GHRHR: variants seen among roughly 807,000 people sequenced by gnomAD.
The protein encoded by GHRHR is growth hormone releasing hormone receptor.
GHRHR carries 40 observed loss-of-function variants against 58.3 expected under a neutral mutation model. The observed-to-expected ratio is 0.69, with a 90% CI of 0.53 to 0.89. GHRHR has a LOEUF of 0.89. GHRHR is among the 40% of genes least tolerant of loss of function. The pLI is 0.00. For synonymous variants in GHRHR, 249 were observed against 216.6 expected (o/e 1.15, Z -1.31); for missense variants, 551 against 541.3 (o/e 1.02, Z -0.18).
At chr7:30,975,742 C>G (rs772331184) in intron 9 of GHRHR, 35 bp from the exon 10 acceptor site, 6 of 1,298,864 alleles carry the variant, frequency 4.6e-6, no homozygotes, top group Admixed American at 1.7e-5. Flanking sequence ...ACCCCCTGAC[C>G]CTTGTCTTCC....
rs752793580 is a variant in GHRHR, at chr7:30,969,072, C to A, written c.170C>A (p.Ala57Glu). The change falls in exon 3 of 13, where the codon GCG (alanine) becomes GAG (glutamate). Residue 57 changes from alanine to glutamate, a missense_variant. By Grantham distance (107) the Ala-to-Glu change is moderately radical. Transcript: ENST00000326139. ...EMPNTTLGCP[A>E]TWDGLLCWPT... Reference sequence around the variant, plus strand: ...CTGGCTCTCTATCCAGGCTGCCCTGCGACCTGGGATGGGCTGCTGTGCTGG... The same window carrying A: ...CTGGCTCTCTATCCAGGCTGCCCTGAGACCTGGGATGGGCTGCTGTGCTGG... 3 of 1,579,108 alleles carry A rather than the reference C, an allele frequency of 1.9e-6. No individual in the cohort carries two copies. Among genetic ancestry groups the A allele is most frequent in the Admixed American group, 1.8e-5 (1 of 54,118 alleles).
At chr7:30,967,602 T>TATCCATCCATCCTTCCAA (rs3831723) in intron 1 of GHRHR, among the ~76,000 whole-genome samples, 1 of 151,646 alleles carries the variant, frequency 6.6e-6, no homozygotes, top group African/African-American at 2.4e-5. Flanking sequence ...GTCATCTGTC[T>TATCCATCCATCCTTCCAA]ATCCATCCAT....
chr7:30,977,878 G>A (rs567326639), intron 12 of GHRHR, among the ~76,000 whole-genome samples: 2 of 152,336 alleles, frequency 1.3e-5, no homozygotes, highest in East Asian at 1.9e-4. Flanking sequence ...AGACAGAACA[G>A]ATGGTGCTGC....
intron 6 of GHRHR, among the ~76,000 whole-genome samples, chr7:30,972,729 T>A (rs539635511): frequency 2.0e-5 from 3 of 151,960 alleles, no homozygotes; most frequent in African/African-American, 7.3e-5. Flanking sequence ...AAGAGGCAAT[T>A]GAAATTAAAG....
rs1284465263 is a variant in GHRHR, at chr7:30,973,966, C to T, written c.598-19C>T. The T allele has an allele frequency of 1.2e-6, 2 of 1,612,610 alleles. No homozygotes were observed. The highest frequency in any genetic ancestry group is 2.2e-5 in the South Asian group (2 of 91,052). The stretch of plus-strand genomic sequence containing the variant: ...CAGTGGGTGTCCCAGCTCTGAAGCA[C>T]CCAGGTCCTGGCCCCCAGGTTCTAT... On this transcript the variant is annotated intron_variant, in intron 6 of 12. Transcript: ENST00000326139.
intron 10 of GHRHR, 139 bp downstream of exon 10, chr7:30,976,007 G>A: frequency 1.4e-6 from 1 of 690,892 alleles, no homozygotes; most frequent in Non-Finnish European, 2.7e-6. Flanking sequence ...GAATAGACCT[G>A]GCCCCTTCCT....
chr7:30,974,611 T>A lies in GHRHR; in HGVS notation c.812+122T>A, dbSNP rs989704143. On this transcript the variant is annotated intron_variant, in intron 8 of 12. Coordinates refer to ENST00000326139, the MANE Select transcript of GHRHR (RefSeq NM_000823.4). ...AGGAGAAGGGACTGCCCGGCTAGGA[T>A]GGGGGGTGGGAGAACAGTCTGTGAG... 3.1e-4 allele frequency: 242 copies of A among 770,596 alleles called. 2 individuals carry two copies. Among genetic ancestry groups the A allele is most frequent in the Admixed American group, 7.4e-5 (4 of 54,294 alleles). The allele number at this position is 770,596 out of a possible 1,614,324, so 47.7% of individuals were successfully genotyped here.
rs1176895902 is a variant in GHRHR at position 30,979,127 on chromosome 7, T to C, written c.1155T>C (p.Thr385=). The change falls in exon 13 of 13, where the codon ACT becomes ACC. Residue 385 remains threonine (T), a synonymous_variant. Transcript: ENST00000326139. ...LYCFLNQEVR[T]EISRKWHGHD... is the part of the protein sequence containing the mutation. ...CTTCCTTGTCCCTGGAGGTGAGGAC[T>C]GAGATCTCACGGAAGTGGCATGGCC... is the stretch of plus-strand genomic sequence containing the variant. The C allele has an allele frequency of 3.7e-6, 6 of 1,613,592 alleles. No homozygotes were observed. The African/African-American group carries it at 5.3e-5, about 14-fold the overall frequency.
chr7:30,967,836 G>A (rs1220933747), intron 1 of GHRHR, among the ~76,000 whole-genome samples: 1 of 152,108 alleles, frequency 6.6e-6, no homozygotes, highest in Admixed American at 6.5e-5. Flanking sequence ...GTTCCTGCCT[G>A]TGTGCACCCC....
At chr7:30,974,314 C>T (rs1162881551) in intron 7 of GHRHR, 115 bp from the exon 8 acceptor site, 8 of 1,100,364 alleles carry the variant, frequency 7.3e-6, no homozygotes, top group African/African-American at 1.5e-5. Flanking sequence ...GGGGTCCTGC[C>T]TGGCCCTGCC....
chr7:30,979,524 A>C lies in GHRHR; in HGVS notation c.*280A>C. The C allele has an allele frequency of 2.4e-6, 1 of 415,936 alleles. No individual in the cohort carries two copies. Among genetic ancestry groups the C allele is most frequent in the Non-Finnish European group, 4.6e-6 (1 of 219,286 alleles). 25.8% of individuals were successfully genotyped at this position (415,936 alleles called of 1,614,324 possible). A position where few individuals can be genotyped will look rare whatever the true frequency, so the allele number is the denominator to read the frequency against. On this transcript the variant is annotated 3_prime_UTR_variant, in exon 13 of 13. Coordinates refer to ENST00000326139, the MANE Select transcript of GHRHR (RefSeq NM_000823.4). ...CTCAGAGGAGCCAATAAACCTGTAAATGAATAGACGCATGTTTGAGTGAGT... is the reference window on the plus strand; with the variant it reads ...CTCAGAGGAGCCAATAAACCTGTAACTGAATAGACGCATGTTTGAGTGAGT...
chr7:30,967,814 A>G (rs1430079647), intron 1 of GHRHR, among the ~76,000 whole-genome samples: 1 of 151,874 alleles, frequency 6.6e-6, no homozygotes, highest in Non-Finnish European at 1.5e-5. Flanking sequence ...TAAGCTACCC[A>G]TTTGCTCATG....
intron 4 of GHRHR, 151 bp from the exon 5 acceptor site, chr7:30,970,968 G>A (rs1208528614): frequency 4.3e-6 from 3 of 693,714 alleles, no homozygotes; most frequent in Non-Finnish European, 7.9e-6. Flanking sequence ...AGTGCACAGG[G>A]GGAGCTTTCC....
intron 1 of GHRHR, 76 bp downstream of exon 1, chr7:30,964,201 T>G: frequency 3.1e-6 from 4 of 1,303,226 alleles, no homozygotes; most frequent in Non-Finnish European, 4.3e-6. Context: ...AACTGGAGCC[T>G]GGCGGAGACC....
chr7:30,974,951 C>A lies in GHRHR; in HGVS notation c.813-20C>A. 4 of 1,581,270 alleles carry A rather than the reference C, an allele frequency of 2.5e-6. No homozygotes were observed. Among genetic ancestry groups the A allele is most frequent in the Non-Finnish European group, 3.5e-6 (4 of 1,150,004 alleles). ...GTGAAGGGGACTTTCCAACAACGGC[C>A]TTCTTTCCTCTCTCCCCAGGTGCTG... On this transcript the variant is annotated intron_variant, in intron 8 of 12. Transcript: ENST00000326139.
chr7:30,977,406 T>C, intron 12 of GHRHR, 84 bp downstream of exon 12: 1 of 1,151,550 alleles, frequency 8.7e-7, no homozygotes, highest in Non-Finnish European at 1.3e-6. Context: ...ACTCAGGCCC[T>C]GTAAACCCCA....
intron 1 of GHRHR, among the ~76,000 whole-genome samples, chr7:30,965,797 T>C (rs1792335345): frequency 6.6e-6 from 1 of 152,316 alleles, no homozygotes; most frequent in Admixed American, 6.5e-5. Flanking sequence ...CCAGGGTCAA[T>C]ATCAGGCTGA....
intron 3 of GHRHR, 172 bp from the exon 4 acceptor site, chr7:30,969,695 G>T (rs1169391857): frequency 1.4e-6 from 1 of 715,154 alleles, no homozygotes; most frequent in Non-Finnish European, 2.6e-6. Context: ...CCCATAGTGT[G>T]TCCCTGGGCA....
chr7:30,977,753 G>A (rs1272954160), intron 12 of GHRHR, among the ~76,000 whole-genome samples: 2 of 152,272 alleles, frequency 1.3e-5, no homozygotes, highest in Middle Eastern at 3.4e-3. Flanking sequence ...AGGGAACTAG[G>A]AAAATAATCA....
Sources: gnomAD v4.1 joint callset for allele counts (sites outside exome capture counted in the v4.1 genomes callset) on GRCh38, gnomAD v4.1.1 for gene constraint, MANE v1.5 for transcripts, NCBI Gene and HGNC (gene_info 2026-07-23, HGNC 2026-07-21) for gene names.